CUBN: variants seen among roughly 807,000 people sequenced by gnomAD.
The protein encoded by CUBN is cubilin, also known as 460 kDa receptor.
A neutral mutation model predicts 405.3 loss-of-function variants in CUBN; 282 were observed. That is an observed-to-expected ratio of 0.70 (90% CI 0.63 to 0.77). CUBN has a LOEUF of 0.77. Among genes scored for constraint, CUBN ranks in the 30% least tolerant of loss-of-function variants. The pLI, the probability that CUBN is intolerant of heterozygous loss-of-function variation, is 0.00. For missense variants in CUBN, 4,514 were observed against 4,475.2 expected (o/e 1.01, Z -0.25); for synonymous variants, 1,684 against 1,617.0 (o/e 1.04, Z -0.99).
Position 16,933,295 on chromosome 10 carries a change from G to A in CUBN, c.5927-11C>T, listed in dbSNP as rs201362828. On this transcript the variant is annotated splice_polypyrimidine_tract_variant and intron_variant, in intron 39 of 66. Coordinates refer to ENST00000377833, the MANE Select transcript of CUBN (RefSeq NM_001081.4). ...AGCCACCACAAGCACCTGTAGAATA[G>A]AAAGCAACATCTTTGACACAGCCCT... 20 of 1,612,456 alleles carry A rather than the reference G, an allele frequency of 1.2e-5. No homozygotes were observed. The African/African-American group carries it at 2.1e-4, about 17-fold the overall frequency.
At chr10:16,906,654 G>A (rs1308252240) in intron 49 of CUBN, among the ~76,000 whole-genome samples, 5 of 152,260 alleles carry the variant, frequency 3.3e-5, no homozygotes, top group East Asian at 3.9e-4. Flanking sequence ...AGTGGTGGGC[G>A]TTTGGCTCTG....
intron 31 of CUBN, among the ~76,000 whole-genome samples, chr10:16,965,403 G>A (rs1687711): frequency 0.35 from 52,976 of 151,970 alleles, 9,403 homozygotes; most frequent in Middle Eastern, 0.45. Flanking sequence ...CGTGATTGAC[G>A]TGGACGTGAT....
chr10:16,999,616 C>T (rs1251338719), intron 28 of CUBN, among the ~76,000 whole-genome samples: 1 of 152,202 alleles, frequency 6.6e-6, no homozygotes, highest in Middle Eastern at 3.2e-3. Context: ...GATAACTGTA[C>T]TAACCTTCCC....
At chr10:16,910,864 G>T (rs1841710406) in intron 48 of CUBN, among the ~76,000 whole-genome samples, 1 of 151,872 alleles carries the variant, frequency 6.6e-6, no homozygotes, top group African/African-American at 2.4e-5. Flanking sequence ...TTTTTCAAAA[G>T]ATTTATTGCC....
intron 40 of CUBN, among the ~76,000 whole-genome samples, chr10:16,930,702 A>G (rs1196353927): frequency 6.6e-6 from 1 of 152,186 alleles, no homozygotes; most frequent in East Asian, 1.9e-4. Flanking sequence ...ACTCTATAAA[A>G]TGAATAAGCA....
At position 17,047,467 on chromosome 10, in the gene CUBN, G is replaced by C. The variant is rs777351883; in HGVS notation, c.3276C>G (p.Asn1092Lys). 1.2e-6 allele frequency: 2 copies of C among 1,614,028 alleles called. No individual in the cohort carries two copies. Among genetic ancestry groups the C allele is most frequent in the East Asian group, 2.2e-5 (1 of 44,852 alleles). Residue 1092 changes from asparagine to lysine, a missense_variant, in exon 23 of 67, where the codon AAC becomes AAG. Physicochemically the swap from Asn to Lys is moderately conservative, Grantham distance 94. Transcript: ENST00000377833. ...TTCCAATGGCTTCCTCCAAGGAGAA[G>C]TTTGTGAAGTGCACTGCAATCAGTT... ...TGQLIAVHFTNFSLEEAIGNY... is the reference protein window; with the variant it reads ...TGQLIAVHFTKFSLEEAIGNY...
intron 14 of CUBN, among the ~76,000 whole-genome samples, chr10:17,091,292 T>C (rs1173759000): frequency 2.0e-5 from 3 of 152,114 alleles, no homozygotes; most frequent in Non-Finnish European, 2.9e-5. Flanking sequence ...GCACATCAAA[T>C]GTGATATAAT....
chr10:16,875,983 T>C (rs1045818687), intron 57 of CUBN, among the ~76,000 whole-genome samples: 1 of 152,232 alleles, frequency 6.6e-6, no homozygotes, highest in Admixed American at 6.5e-5. Context: ...CAGCCATATG[T>C]AGTCATACTT....
chr10:17,033,544 C>A (rs1391280851), intron 27 of CUBN, among the ~76,000 whole-genome samples: 1 of 152,174 alleles, frequency 6.6e-6, no homozygotes, highest in Non-Finnish European at 1.5e-5. Flanking sequence ...TAGTGACAGC[C>A]TGAGGAAATA....
At chr10:17,054,138 G>T (rs1253267020) in intron 22 of CUBN, among the ~76,000 whole-genome samples, 1 of 151,754 alleles carries the variant, frequency 6.6e-6, no homozygotes, top group Non-Finnish European at 1.5e-5. Context: ...CAAGACCAGG[G>T]TGACCAATAT....
chr10:16,890,908 G>C (rs777420623), intron 54 of CUBN, among the ~76,000 whole-genome samples: 1 of 152,186 alleles, frequency 6.6e-6, no homozygotes, highest in Non-Finnish European at 1.5e-5. Flanking sequence ...TGGGAAGATA[G>C]CAGATTGTGG....
At position 16,920,068 on chromosome 10, in the gene CUBN, T is replaced by C. The variant is rs780047209; in HGVS notation, c.6716A>G (p.His2239Arg). Reference sequence around the variant, plus strand: ...GCAATCAGCGTGCGGGGGATAATTATGAGGGTGGTTGGGGGAGGTCACATA... The same window carrying C: ...GCAATCAGCGTGCGGGGGATAATTACGAGGGTGGTTGGGGGAGGTCACATA... ...AGYVTSPNHP[H>R]NYPPHADCIW... is the part of the protein sequence containing the mutation. Residue 2239 changes from histidine to arginine, a missense_variant, in exon 44 of 67, where the codon CAT becomes CGT. Transcript: ENST00000377833. 7.4e-6 allele frequency: 12 copies of C among 1,613,886 alleles called. No individual in the cohort carries two copies. In the Admixed American group the frequency reaches 1.8e-4, roughly 25 times the overall value.
chr10:17,024,786 G>A (rs1341845890), intron 27 of CUBN, among the ~76,000 whole-genome samples: 1 of 152,086 alleles, frequency 6.6e-6, no homozygotes, highest in African/African-American at 2.4e-5. Flanking sequence ...GATTACAAGT[G>A]CGAGCCACCA....
At chr10:17,015,298 T>C (rs943004419) in intron 28 of CUBN, among the ~76,000 whole-genome samples, 2 of 152,162 alleles carry the variant, frequency 1.3e-5, no homozygotes, top group African/African-American at 4.8e-5. Flanking sequence ...CAGGGTTGAT[T>C]CCCTCCTCAA....
intron 28 of CUBN, among the ~76,000 whole-genome samples, chr10:17,008,173 T>G (rs1478107995): frequency 6.6e-6 from 1 of 152,046 alleles, no homozygotes; most frequent in Non-Finnish European, 1.5e-5. Context: ...ACAATTACAC[T>G]TGAGCATTGA....
chr10:16,949,717 G>A (rs896143564), intron 34 of CUBN, among the ~76,000 whole-genome samples: 11 of 152,118 alleles, frequency 7.2e-5, no homozygotes, highest in African/African-American at 2.4e-4. Flanking sequence ...CTAATGCTGG[G>A]ATGGGTTGCA....
intron 48 of CUBN, among the ~76,000 whole-genome samples, chr10:16,910,239 C>A (rs1485021339): frequency 2.0e-5 from 3 of 151,594 alleles, no homozygotes; most frequent in African/African-American, 7.3e-5. Flanking sequence ...TCTTCTCCCT[C>A]TTCTCCTCCT....
At chr10:16,924,404 T>C (rs1395495901) in intron 43 of CUBN, among the ~76,000 whole-genome samples, 2 of 148,444 alleles carry the variant, frequency 1.3e-5, no homozygotes, top group East Asian at 3.9e-4. Flanking sequence ...TATTTTTGTG[T>C]GTCAGTTGGT....
intron 31 of CUBN, among the ~76,000 whole-genome samples, chr10:16,957,380 T>C (rs1428626751): frequency 1.3e-5 from 2 of 152,240 alleles, no homozygotes; most frequent in Non-Finnish European, 2.9e-5. Flanking sequence ...TGTTCATTTC[T>C]ATTGCTAAGT....
Sources: allele counts gnomAD v4.1 joint callset (sites outside exome capture counted in the v4.1 genomes callset), GRCh38; gene constraint gnomAD v4.1.1; transcripts MANE v1.5; gene names NCBI Gene and HGNC (gene_info 2026-07-23, HGNC 2026-07-21).